PCP4L1: variants seen among roughly 807,000 people sequenced by gnomAD.
The protein encoded by PCP4L1 is Purkinje cell protein 4 like 1.
PCP4L1 carries 9 observed loss-of-function variants against 9.6 expected under a neutral mutation model. The observed-to-expected ratio is 0.94, with a 90% CI of 0.57 to 1.64. The LOEUF (loss-of-function observed/expected upper bound fraction) is 1.64, where lower values mean the gene tolerates loss of function less well. PCP4L1 is among the 40% of genes most tolerant of loss of function. The pLI is 0.00. For synonymous variants in PCP4L1, 31 were observed against 28.2 expected (o/e 1.10, Z -0.31); for missense variants, 81 against 80.8 (o/e 1.00, Z -0.01).
At chr1:161,277,477 ATCT>A (rs1669718224) in intron 1 of PCP4L1, among the ~76,000 whole-genome samples, 1 of 152,174 alleles carries the variant, frequency 6.6e-6, no homozygotes, top group African/African-American at 2.4e-5. Flanking sequence ...ATAGGGTGCC[ATCT>A]TCTTAGAGAT....
chr1:161,267,269 AAATGTGTTTAT>A (rs1669546760), intron 1 of PCP4L1, among the ~76,000 whole-genome samples: 1 of 152,226 alleles, frequency 6.6e-6, no homozygotes, highest in African/African-American at 2.4e-5. Flanking sequence ...GTAAGTACCA[AAATGTGTTTAT>A]AATGTGTTTT....
In PCP4L1 at chr1:161,284,311, C is replaced by G. The variant is rs777083757; in HGVS notation, c.65-28C>G. 1.9e-6 allele frequency: 3 copies of G among 1,613,814 alleles called. No homozygotes were observed. The African/African-American group carries it at 4.0e-5, about 22-fold the overall frequency. On this transcript the variant is annotated intron_variant, in intron 2 of 2. Transcript: ENST00000504449. Reference sequence around the variant, plus strand: ...GGGTCTAGAGCAGGTCAGATTAACTCATTAATGAGTCTCCCAACTATCTGC... The same window carrying G: ...GGGTCTAGAGCAGGTCAGATTAACTGATTAATGAGTCTCCCAACTATCTGC...
In PCP4L1 at chr1:161,262,433, C is replaced by CAAA. The variant is rs539872397; in HGVS notation, c.9+3471_9+3473dup. ...TGGGCGACAGAGCGAGACTCCATCT[C>CAAA]AAAAAAAAAAAAAAAAAAAAAAAGA... is the stretch of plus-strand genomic sequence containing the variant. On this transcript the variant is annotated intron_variant, in intron 1 of 2. Coordinates refer to ENST00000504449, the MANE Select transcript of PCP4L1 (RefSeq NM_001102566.2). Among the ~76,000 whole-genome samples, 313 of 62,992 alleles carry CAAA rather than the reference C, an allele frequency of 5.0e-3. 4 individuals are homozygous for CAAA. Among genetic ancestry groups the CAAA allele is most frequent in the Middle Eastern group, 8.5e-3 (1 of 118 alleles). The allele number at this position is 62,992 out of a possible 152,430, so 41.3% of individuals were successfully genotyped here. A position where few individuals can be genotyped will look rare whatever the true frequency, so the allele number is the denominator to read the frequency against.
chr1:161,270,610 A>G (rs1301806187), intron 1 of PCP4L1, among the ~76,000 whole-genome samples: 2 of 149,838 alleles, frequency 1.3e-5, no homozygotes, highest in Admixed American at 6.6e-5. Flanking sequence ...GCAGTGGCTC[A>G]TGCCTGTAAT....
intron 1 of PCP4L1, among the ~76,000 whole-genome samples, chr1:161,270,599 C>T (rs1485329516): frequency 6.6e-6 from 1 of 150,544 alleles, no homozygotes; most frequent in Non-Finnish European, 1.5e-5. Context: ...CCAGGCTAGG[C>T]GCAGTGGCTC....
intron 1 of PCP4L1, among the ~76,000 whole-genome samples, chr1:161,282,261 C>T (rs577725284): frequency 6.6e-6 from 1 of 152,256 alleles, no homozygotes; most frequent in African/African-American, 2.4e-5. Context: ...GCGGCGCGCG[C>T]CTGCAATAGC....
At chr1:161,273,074 G>A (rs1215851098) in intron 1 of PCP4L1, among the ~76,000 whole-genome samples, 1 of 152,158 alleles carries the variant, frequency 6.6e-6, no homozygotes, top group Non-Finnish European at 1.5e-5. Context: ...CTTCCCCATG[G>A]GAAGGGAGAA....
chr1:161,272,448 C>T (rs548729103), intron 1 of PCP4L1, among the ~76,000 whole-genome samples: 6 of 151,366 alleles, frequency 4.0e-5, no homozygotes, highest in East Asian at 2.0e-4. Context: ...ATCCCAGCTA[C>T]GCGGGAGGCT....
intron 1 of PCP4L1, among the ~76,000 whole-genome samples, chr1:161,275,045 G>A (rs2102237742): frequency 6.6e-6 from 1 of 152,272 alleles, no homozygotes; most frequent in African/African-American, 2.4e-5. Context: ...CTGAGCCACT[G>A]CTCCATTCCA....
rs553023878 is a variant in PCP4L1, at chr1:161,274,943, C to T, written c.10-8725C>T. On this transcript the variant is annotated intron_variant, in intron 1 of 2. Coordinates refer to ENST00000504449, the MANE Select transcript of PCP4L1 (RefSeq NM_001102566.2). ...CTTGCAGCATCCTTTGCTGGTTTCC[C>T]AAGTGGAGACCCCACTTTTAGATTA... Among the ~76,000 whole-genome samples the T allele has an allele frequency of 2.1e-4, 32 of 152,206 alleles. 1 individual carries two copies. In the South Asian group the frequency reaches 6.4e-3, roughly 31 times the overall value.
intron 1 of PCP4L1, among the ~76,000 whole-genome samples, chr1:161,269,995 TC>T (rs1384495835): frequency 2.5e-5 from 3 of 119,282 alleles, no homozygotes; most frequent in African/African-American, 1.1e-4. Flanking sequence ...TAAGACCTTG[TC>T]TCAAAAAAAA....
At position 161,258,862 on chromosome 1, in the gene PCP4L1, C is replaced by G; in HGVS notation, c.-113C>G. The G allele has an allele frequency of 1.4e-6, 2 of 1,461,358 alleles. No individual in the cohort carries two copies. Among genetic ancestry groups the G allele is most frequent in the Non-Finnish European group, 1.9e-6 (2 of 1,079,574 alleles). The allele number at this position is 1,461,358 out of a possible 1,614,324, so 90.5% of individuals were successfully genotyped here. On this transcript the variant is annotated 5_prime_UTR_variant, in exon 1 of 3. Transcript: ENST00000504449. ...GCACTAACTCTCCTCTCCTGGTCAG[C>G]TGTAACCCCTGCCGCAGAGCCCGGC...
At chr1:161,282,398 C>T (rs1194783757) in intron 1 of PCP4L1, among the ~76,000 whole-genome samples, 6 of 54,310 alleles carry the variant, frequency 1.1e-4, no homozygotes, top group African/African-American at 2.7e-4. Context: ...AGAGGGAGAC[C>T]GTGGGGAGAG....
intron 1 of PCP4L1, among the ~76,000 whole-genome samples, chr1:161,276,703 ATGTGTGTGTGTGTATATATATATG>A (rs1386724215): frequency 7.3e-6 from 1 of 136,256 alleles, no homozygotes; most frequent in Non-Finnish European, 1.6e-5. Context: ...AAAGGAAAAT[ATGTGTGTGTGTGTATATATATATG>A]TGTGTGTGTG....
chr1:161,269,990 C>A (rs182569803), intron 1 of PCP4L1, among the ~76,000 whole-genome samples: 105 of 133,388 alleles, frequency 7.9e-4, no homozygotes, highest in Non-Finnish European at 1.4e-3. Flanking sequence ...CAGAATAAGA[C>A]CTTGTCTCAA....
intron 1 of PCP4L1, among the ~76,000 whole-genome samples, chr1:161,282,613 A>C (rs1669842374): frequency 6.6e-6 from 1 of 152,070 alleles, no homozygotes; most frequent in South Asian, 2.1e-4. Flanking sequence ...ACTCATCTTG[A>C]CTATTCAACT....
At position 161,269,375 on chromosome 1, in the gene PCP4L1, G is replaced by T. The variant is rs563062185; in HGVS notation, c.9+10392G>T. The stretch of plus-strand genomic sequence containing the variant: ...GGCACATATGTTAAAGTGAAGGAAA[G>T]CAATGACTTGGCTTCTGAATCCCTT... On this transcript the variant is annotated intron_variant, in intron 1 of 2. Coordinates refer to ENST00000504449, the MANE Select transcript of PCP4L1 (RefSeq NM_001102566.2). Among the ~76,000 whole-genome samples the T allele has an allele frequency of 3.3e-4, 50 of 152,302 alleles. 2 individuals are homozygous for T. In the South Asian group the frequency reaches 0.01, roughly 31 times the overall value.
At chr1:161,259,597 C>T (rs1041267882) in intron 1 of PCP4L1, among the ~76,000 whole-genome samples, 4 of 152,148 alleles carry the variant, frequency 2.6e-5, no homozygotes, top group African/African-American at 9.7e-5. Flanking sequence ...CTAGGTCTTC[C>T]GGCAGGCTCT....
intron 1 of PCP4L1, among the ~76,000 whole-genome samples, chr1:161,270,309 A>T (rs1669601545): frequency 6.6e-6 from 1 of 152,098 alleles, no homozygotes; most frequent in South Asian, 2.1e-4. Context: ...AAAATATATA[A>T]TAATAAAATT....
Sources: allele counts gnomAD v4.1 joint callset (sites outside exome capture counted in the v4.1 genomes callset), GRCh38; gene constraint gnomAD v4.1.1; transcripts MANE v1.5; gene names NCBI Gene and HGNC (gene_info 2026-07-23, HGNC 2026-07-21).